The following DES variants were observed in gnomAD, a reference collection of about 807,000 sequenced individuals.
DES encodes the protein cardiomyopathy, dilated 1F (autosomal dominant).
DES carries 34 observed loss-of-function variants against 55.1 expected under a neutral mutation model. That is an observed-to-expected ratio of 0.62 (90% CI 0.47 to 0.82). The LOEUF is 0.82. Among genes scored for constraint, DES ranks in the 40% least tolerant of loss-of-function variants. The probability of loss-of-function intolerance (pLI) is 0.00; values close to 1 mark genes in which losing one functional copy is unlikely to be tolerated. For missense variants in DES, 596 were observed against 645.9 expected, an observed-to-expected ratio of 0.92 and a Z score of 0.84; for synonymous variants, 259 against 270.8, an observed-to-expected ratio of 0.96 and a Z score of 0.43.
At chr2:219,423,138 A>G (rs1473934647) in intron 6 of DES, among the ~76,000 whole-genome samples, 2 of 152,140 alleles carry the variant, frequency 1.3e-5, no homozygotes, top group Non-Finnish European at 2.9e-5. Context: ...TGAGCAATGG[A>G]TATCACCCAC....
Position 219,420,374 on chromosome 2 carries a change from C to A in DES, c.735+28C>A. 6.2e-7 allele frequency: 1 copy of A among 1,612,752 alleles called. No homozygotes were observed. The highest frequency in any genetic ancestry group is 1.1e-5 in the South Asian group (1 of 90,948). On this transcript the variant is annotated intron_variant, in intron 3 of 8. Transcript: ENST00000373960. The surrounding 1 kb of genome is among the most constrained non-coding windows in gnomAD (Gnocchi z 6.0). The stretch of plus-strand genomic sequence containing the variant: ...ATACCTTGGCCCCTCTTCCTGGGGT[C>A]ACTGGGCCATGGGGAAAGCAGCCGG...
At position 219,418,931 on chromosome 2, in the gene DES, G is replaced by A. The variant is rs1265299630; in HGVS notation, c.469G>A (p.Glu157Lys). Residue 157 changes from glutamate (E) to lysine (K), a missense_variant, in exon 1 of 9, where the codon GAG becomes AAG. Glu to Lys is a moderately conservative substitution (Grantham distance 56, BLOSUM62 1). Transcript: ENST00000373960. ...GACGCGAGTGGCCGAGCTCTACGAG[G>A]AGGAGCTGCGGGAGCTGCGGCGCCA... ...EPTRVAELYEEELRELRRQVE... is the reference protein window; with the variant it reads ...EPTRVAELYEKELRELRRQVE... The A allele has an allele frequency of 6.4e-7, 1 of 1,560,432 alleles. No homozygotes were observed. The highest frequency in any genetic ancestry group is 1.2e-5 in the South Asian group (1 of 84,890).
rs751789510 is a variant in DES, at chr2:219,420,217, G to A, written c.640-34G>A. 19 of 1,613,864 alleles carry A rather than the reference G, an allele frequency of 1.2e-5. No homozygotes were observed. The highest frequency in any genetic ancestry group is 2.2e-5 in the East Asian group (1 of 44,892). ...CCTTGCTCTGCCCCACCTGGGTGGC[G>A]GTGACCATGTCCTTCTCGCTTGGCC... On this transcript the variant is annotated intron_variant, in intron 2 of 8. Transcript: ENST00000373960. The surrounding 1 kb of genome is among the most constrained non-coding windows in gnomAD (Gnocchi z 6.0).
chr2:219,418,558 G>A lies in DES; in HGVS notation c.96G>A (p.Ser32=). ...TCCCACTCGGCTCCCCGCTGAGTTC[G>A]CCCGTGTTCCCGCGGGCGGGTTTCG... ...PGFPLGSPLS[S]PVFPRAGFGS... The change falls in exon 1 of 9, where the codon TCG becomes TCA. Residue 32 remains serine, a synonymous_variant. Transcript: ENST00000373960. The A allele has an allele frequency of 6.2e-7, 1 of 1,603,500 alleles. No individual in the cohort carries two copies. The highest frequency in any genetic ancestry group is 8.5e-7 in the Non-Finnish European group (1 of 1,175,854).
In DES at chr2:219,420,641, G is replaced by A. The variant is rs1166154731; in HGVS notation, c.882G>A (p.Glu294=). 6.2e-6 allele frequency: 10 copies of A among 1,614,020 alleles called. No individual in the cohort carries two copies. The highest frequency in any genetic ancestry group is 1.3e-5 in the African/African-American group (1 of 74,894). Residue 294 remains glutamate (E), a synonymous_variant, in exon 4 of 9, where the codon GAG becomes GAA. Coordinates refer to ENST00000373960, the MANE Select transcript of DES (RefSeq NM_001927.4). The surrounding 1 kb of genome is among the most constrained non-coding windows in gnomAD (Gnocchi z 6.0). The part of the protein sequence containing the change: ...IAAKNISEAE[E]WYKSKVSDLT... ...CTAAGAACATTTCTGAAGCTGAGGA[G>A]TGGTACAAGTCGAAGGTGGGTGGCC...
chr2:219,423,690 C>T (rs1384412010), intron 6 of DES, 87 bp from the exon 7 acceptor site: 19 of 1,331,576 alleles, frequency 1.4e-5, no homozygotes, highest in East Asian at 2.3e-5. Flanking sequence ...CCGCCCGCCT[C>T]GGCCTTTCAA....
intron 5 of DES, among the ~76,000 whole-genome samples, 191 bp from the exon 6 acceptor site, chr2:219,421,149 G>T (rs1954433331): frequency 1.3e-5 from 2 of 152,230 alleles, no homozygotes; most frequent in Non-Finnish European, 2.9e-5. Context: ...CCTATGTGGG[G>T]ACTGTGAGGC....
chr2:219,418,476 A>G lies in DES; in HGVS notation c.14A>G (p.Tyr5Cys). MSQAYSSSQRVSSYR... is the reference protein window; with the variant it reads MSQACSSSQRVSSYR... ...CGCGCCGTCACCATGAGCCAGGCCT[A>G]CTCGTCCAGCCAGCGCGTGTCCTCC... Residue 5 changes from tyrosine (Y) to cysteine (C), a missense_variant, in exon 1 of 9, where the codon TAC becomes TGC. Physicochemically the swap from Tyr to Cys is radical, Grantham distance 194. Coordinates refer to ENST00000373960, the MANE Select transcript of DES (RefSeq NM_001927.4). The G allele has an allele frequency of 6.3e-7, 1 of 1,597,250 alleles. No homozygotes were observed. Among genetic ancestry groups the G allele is most frequent in the Non-Finnish European group, 8.5e-7 (1 of 1,176,740 alleles).
At position 219,418,541 on chromosome 2, in the gene DES, G is replaced by C. The variant is rs727504877; in HGVS notation, c.79G>C (p.Gly27Arg). 5 of 1,601,838 alleles carry C rather than the reference G, an allele frequency of 3.1e-6. No individual in the cohort carries two copies. Among genetic ancestry groups the C allele is most frequent in the Non-Finnish European group, 4.3e-6 (5 of 1,175,722 alleles). Reference sequence around the variant, plus strand: ...CGGCGGGGCCCCGGGCTTCCCACTCGGCTCCCCGCTGAGTTCGCCCGTGTT... The same window carrying C: ...CGGCGGGGCCCCGGGCTTCCCACTCCGCTCCCCGCTGAGTTCGCCCGTGTT... ...TFGGAPGFPL[G>R]SPLSSPVFPR... The change falls in exon 1 of 9, where the codon GGC (glycine) becomes CGC (arginine). Residue 27 changes from glycine to arginine, a missense_variant. By Grantham distance (125) the Gly-to-Arg change is moderately radical (BLOSUM62 -2). Coordinates refer to ENST00000373960, the MANE Select transcript of DES (RefSeq NM_001927.4).
rs775372664 is a variant in DES, at chr2:219,420,210, G to A, written c.640-41G>A. ...CCTCTGGCCTTGCTCTGCCCCACCT[G>A]GGTGGCGGTGACCATGTCCTTCTCG... On this transcript the variant is annotated intron_variant, in intron 2 of 8. Transcript: ENST00000373960. This position sits in a 1 kb window ranked among gnomAD's most constrained non-coding sequence, Gnocchi z 6.0. 4 of 1,614,114 alleles carry A rather than the reference G, an allele frequency of 2.5e-6. No homozygotes were observed. Among genetic ancestry groups the A allele is most frequent in the South Asian group, 2.2e-5 (2 of 91,090 alleles).
chr2:219,422,507 C>G (rs2125169732), intron 6 of DES, among the ~76,000 whole-genome samples: 1 of 138,466 alleles, frequency 7.2e-6, no homozygotes, highest in South Asian at 2.3e-4. Flanking sequence ...CTCTGTCACC[C>G]AGGCTGGAGT....
In DES at chr2:219,423,780, C is replaced by T; in HGVS notation, c.1248C>T (p.Ile416=). The change falls in exon 7 of 9, where the codon ATC becomes ATT. Residue 416 remains isoleucine, a synonymous_variant. Coordinates refer to ENST00000373960, the MANE Select transcript of DES (RefSeq NM_001927.4). ...RKLLEGEESR[I]NLPIQTYSAL... ...GGTTTTGTCTCTTCCCTTTTAGGAT[C>T]AATCTCCCCATCCAGACCTACTCTG... 6.2e-7 allele frequency: 1 copy of T among 1,613,850 alleles called. No homozygotes were observed. Among genetic ancestry groups the T allele is most frequent in the Non-Finnish European group, 8.5e-7 (1 of 1,179,830 alleles).
intron 7 of DES, 29 bp downstream of exon 7, chr2:219,423,849 G>A (rs377288614): frequency 5.0e-6 from 8 of 1,613,144 alleles, no homozygotes; most frequent in Non-Finnish European, 6.8e-6. Flanking sequence ...GCGGAGGCTG[G>A]AGTTGCAGGG....
chr2:219,418,655 G>T lies in DES; in HGVS notation c.193G>T (p.Gly65Cys), dbSNP rs397516692. The T allele has an allele frequency of 6.3e-7, 1 of 1,593,166 alleles. No individual in the cohort carries two copies. Among genetic ancestry groups the T allele is most frequent in the Admixed American group, 1.8e-5 (1 of 57,036 alleles). ...GTCGCGCACGTCGGGCGGGGCCGGG[G>T]GCCTGGGGTCGCTGCGGGCCAGCCG... Reference protein sequence around the residue: ...QVSRTSGGAGGLGSLRASRLG... With the variant: ...QVSRTSGGAGCLGSLRASRLG... Residue 65 changes from glycine to cysteine, a missense_variant, in exon 1 of 9, where the codon GGC becomes TGC. By Grantham distance (159) the Gly-to-Cys change is radical. Transcript: ENST00000373960.
In DES at chr2:219,418,770, C is replaced by G; in HGVS notation, c.308C>G (p.Thr103Ser). 1 of 1,562,866 alleles carries G rather than the reference C, an allele frequency of 6.4e-7. No homozygotes were observed. Residue 103 changes from threonine to serine, a missense_variant, in exon 1 of 9, where the codon ACC (threonine) becomes AGC (serine). Coordinates refer to ENST00000373960, the MANE Select transcript of DES (RefSeq NM_001927.4). ...GACGCGGTGAACCAGGAGTTTCTGA[C>G]CACGCGCACCAACGAGAAGGTGGAG... ...LADAVNQEFLTTRTNEKVELQ... is the reference protein window; with the variant it reads ...LADAVNQEFLSTRTNEKVELQ...
intron 7 of DES, chr2:219,424,929 C>T (rs10804273): frequency 0.51 from 77,602 of 152,070 alleles, 23,745 homozygotes; most frequent in East Asian, 0.81. Flanking sequence ...AACGGAGTCT[C>T]GCTCTGTCGC....
At position 219,423,956 on chromosome 2, in the gene DES, G is replaced by A. The variant is rs1160544875; in HGVS notation, c.1288+136G>A. On this transcript the variant is annotated intron_variant, in intron 7 of 8. Coordinates refer to ENST00000373960, the MANE Select transcript of DES (RefSeq NM_001927.4). ...ACCTGGAGTCTGGGGAAGAAAAAGG[G>A]GACCACTGCGGGTAGGTGGGGGAGT... The A allele has an allele frequency of 1.5e-5, 14 of 942,746 alleles. No homozygotes were observed. In the East Asian group the frequency reaches 3.2e-4, roughly 21 times the overall value. The allele number at this position is 942,746 out of a possible 1,614,324, so 58.4% of individuals were successfully genotyped here.
In DES at chr2:219,420,882, A is replaced by G; in HGVS notation, c.952A>G (p.Lys318Glu). 6.2e-7 allele frequency: 1 copy of G among 1,613,922 alleles called. No homozygotes were observed. The highest frequency in any genetic ancestry group is 8.5e-7 in the Non-Finnish European group (1 of 1,179,998). The change falls in exon 5 of 9, where the codon AAG becomes GAG. Residue 318 changes from lysine (K) to glutamate (E), a missense_variant. Lys to Glu is a moderately conservative substitution (Grantham distance 56, BLOSUM62 1). Transcript: ENST00000373960. This position sits in a 1 kb window ranked among gnomAD's most constrained non-coding sequence, Gnocchi z 6.0. ...GAACAACGACGCCCTGCGCCAGGCC[A>G]AGCAGGAGATGATGGAATACCGACA... ...NKNNDALRQA[K>E]QEMMEYRHQI...
intron 6 of DES, among the ~76,000 whole-genome samples, chr2:219,423,393 G>C (rs184705985): frequency 1.3e-5 from 2 of 152,106 alleles, no homozygotes; most frequent in Admixed American, 1.3e-4. Context: ...GTTTAGAAAG[G>C]ACCAGGGTGA....
Sources: allele counts gnomAD v4.1 joint callset (sites outside exome capture counted in the v4.1 genomes callset), GRCh38; gene constraint gnomAD v4.1.1; non-coding constraint Gnocchi (gnomAD v3.1); transcripts MANE v1.5; gene names NCBI Gene and HGNC (gene_info 2026-07-23, HGNC 2026-07-21).